SRGAP1: variants seen among roughly 807,000 people sequenced by gnomAD.
SRGAP1 encodes SLIT-ROBO Rho GTPase-activating protein 1.
Under a neutral mutation model 121.9 loss-of-function variants are expected in SRGAP1, and 43 were observed. The observed-to-expected ratio is 0.35, with a 90% confidence interval of 0.28 to 0.46. The LOEUF (loss-of-function observed/expected upper bound fraction) is 0.46, where lower values mean the gene tolerates loss of function less well. Among genes scored for constraint, SRGAP1 ranks in the 20% least tolerant of loss-of-function variants. The pLI is 1.00. For missense variants in SRGAP1, 1,102 were observed against 1,350.9 expected, an observed-to-expected ratio of 0.82 and a Z score of 2.89; for synonymous variants, 447 against 485.4, an observed-to-expected ratio of 0.92 and a Z score of 1.04.
chr12:63,994,112 A>C (rs994259748), intron 3 of SRGAP1, among the ~76,000 whole-genome samples: 17 of 152,092 alleles, frequency 1.1e-4, no homozygotes, highest in Non-Finnish European at 2.5e-4. Flanking sequence ...ATAGTAATCT[A>C]CTCCAGATAG....
intron 1 of SRGAP1, among the ~76,000 whole-genome samples, chr12:63,971,603 G>C (rs2032949305): frequency 6.6e-6 from 1 of 152,136 alleles, no homozygotes; most frequent in African/African-American, 2.4e-5. Flanking sequence ...TTTTAACACA[G>C]GTTGTCTGTC....
intron 4 of SRGAP1, among the ~76,000 whole-genome samples, chr12:64,022,427 A>G (rs966095928): frequency 1.3e-5 from 2 of 152,158 alleles, no homozygotes; most frequent in Non-Finnish European, 2.9e-5. Context: ...CTTTTTGTTC[A>G]ATGCAGGTCA....
Position 64,087,033 on chromosome 12 carries a change from A to G in SRGAP1, c.1436+7A>G. On this transcript the variant is annotated splice_region_variant and intron_variant, in intron 11 of 21. Transcript: ENST00000355086. ...CTGAATATATGACTACAAGGTAGGAAAATATTTTATCATAACTTATAGCGT... is the reference window on the plus strand; with the variant it reads ...CTGAATATATGACTACAAGGTAGGAGAATATTTTATCATAACTTATAGCGT... 1 of 1,583,788 alleles carries G rather than the reference A, an allele frequency of 6.3e-7. No homozygotes were observed. Among genetic ancestry groups the G allele is most frequent in the Non-Finnish European group, 8.6e-7 (1 of 1,161,394 alleles).
intron 3 of SRGAP1, among the ~76,000 whole-genome samples, chr12:64,015,405 GAC>G (rs1163157839): frequency 1.3e-5 from 2 of 152,058 alleles, no homozygotes; most frequent in African/African-American, 4.8e-5. Context: ...ACATATCAGG[GAC>G]ACAGCAAGAC....
rs770410739 is a variant in SRGAP1, at chr12:64,154,713, G to T, written c.*12041G>T. 3 of 152,180 alleles carry T rather than the reference G, an allele frequency of 2.0e-5. No homozygotes were observed. The highest frequency in any genetic ancestry group is 4.4e-5 in the Non-Finnish European group (3 of 68,056). 9.4% of individuals were successfully genotyped at this position (152,180 alleles called of 1,614,324 possible). A position where few individuals can be genotyped will look rare whatever the true frequency, so the allele number is the denominator to read the frequency against. On this transcript the variant is annotated 3_prime_UTR_variant, in exon 22 of 22. Coordinates refer to ENST00000355086, the MANE Select transcript of SRGAP1 (RefSeq NM_020762.4). ...ACTTCCAAGTGGAGAAGTCTAGGAG[G>T]CAGATGGACTTGAAGCTCAGGGGAG...
intron 1 of SRGAP1, among the ~76,000 whole-genome samples, chr12:63,925,714 C>A (rs747518342): frequency 6.6e-6 from 1 of 152,100 alleles, no homozygotes; most frequent in Non-Finnish European, 1.5e-5. Context: ...TTGATTGCTG[C>A]GCTTATACTG....
At chr12:64,018,453 A>G (rs1430760935) in intron 4 of SRGAP1, among the ~76,000 whole-genome samples, 2 of 152,156 alleles carry the variant, frequency 1.3e-5, no homozygotes, top group Non-Finnish European at 2.9e-5. Flanking sequence ...TGATTTACCA[A>G]TTCCATTTGT....
chr12:63,959,759 A>G (rs1189535863), intron 1 of SRGAP1, among the ~76,000 whole-genome samples: 1 of 152,178 alleles, frequency 6.6e-6, no homozygotes, highest in Non-Finnish European at 1.5e-5. Context: ...CAACAACCAT[A>G]TAATATGCAT....
chr12:63,883,743 C>T (rs1900273033), intron 1 of SRGAP1, among the ~76,000 whole-genome samples: 1 of 151,016 alleles, frequency 6.6e-6, no homozygotes, highest in Non-Finnish European at 1.5e-5. Context: ...ACTGCAAGCT[C>T]CACCTCCCGG....
At chr12:63,982,404 A>ACCTAATACTAAAC (rs1225947367) in intron 1 of SRGAP1, 1 of 152,124 alleles carries the variant, frequency 6.6e-6, no homozygotes, top group African/African-American at 2.4e-5. Flanking sequence ...TAATACTAAA[A>ACCTAATACTAAAC]CCTACTTCAT....
intron 4 of SRGAP1, among the ~76,000 whole-genome samples, chr12:64,030,614 T>G (rs1024415951): frequency 6.6e-6 from 1 of 152,234 alleles, no homozygotes; most frequent in African/African-American, 2.4e-5. Context: ...ACTAATGCCC[T>G]GATTTAACTT....
intron 11 of SRGAP1, among the ~76,000 whole-genome samples, chr12:64,089,583 G>A (rs73130166): frequency 0.047 from 7,100 of 152,304 alleles, 303 homozygotes; most frequent in Admixed American, 0.067. Context: ...TGCTTTGGTG[G>A]TTGGTTGTTT....
chr12:63,994,984 A>G (rs1305918105), intron 3 of SRGAP1, among the ~76,000 whole-genome samples: 1 of 152,240 alleles, frequency 6.6e-6, no homozygotes, highest in Admixed American at 6.5e-5. Flanking sequence ...CAGGCTATCC[A>G]GCCAGCTTGC....
intron 3 of SRGAP1, among the ~76,000 whole-genome samples, chr12:64,006,281 A>G (rs867226892): frequency 2.0e-5 from 3 of 152,310 alleles, no homozygotes; most frequent in East Asian, 1.9e-4. Flanking sequence ...GAAGCTAGAG[A>G]AAGATAAGGG....
At chr12:63,921,756 T>C (rs1033471384) in intron 1 of SRGAP1, among the ~76,000 whole-genome samples, 1 of 152,226 alleles carries the variant, frequency 6.6e-6, no homozygotes, top group Non-Finnish European at 1.5e-5. Flanking sequence ...GTAGAGAACA[T>C]TTAATGAAGA....
chr12:64,017,666 A>C (rs1255470629), intron 4 of SRGAP1, among the ~76,000 whole-genome samples: 1 of 152,078 alleles, frequency 6.6e-6, no homozygotes, highest in Non-Finnish European at 1.5e-5. Flanking sequence ...AAAAAAAAAA[A>C]AAAATGTTGC....
chr12:64,002,111 T>C (rs1006242696), intron 3 of SRGAP1, among the ~76,000 whole-genome samples: 4 of 152,218 alleles, frequency 2.6e-5, no homozygotes, highest in South Asian at 2.1e-4. Context: ...GAAGGAGACA[T>C]TGGACTTACA....
chr12:63,972,340 T>C (rs2032975071), intron 1 of SRGAP1, among the ~76,000 whole-genome samples: 2 of 152,238 alleles, frequency 1.3e-5, no homozygotes, highest in African/African-American at 4.8e-5. Flanking sequence ...TAGAACATTA[T>C]GATATTCAAT....
chr12:64,075,817 T>A (rs867236021), intron 8 of SRGAP1, among the ~76,000 whole-genome samples: 1 of 152,190 alleles, frequency 6.6e-6, no homozygotes, highest in African/African-American at 2.4e-5. Flanking sequence ...GTCTATTAAA[T>A]TTCTTTCCCT....
Sources: gnomAD v4.1 joint callset for allele counts (sites outside exome capture counted in the v4.1 genomes callset) on GRCh38, gnomAD v4.1.1 for gene constraint, MANE v1.5 for transcripts, NCBI Gene and HGNC (gene_info 2026-07-23, HGNC 2026-07-21) for gene names.